HERPUD2: variants seen among roughly 807,000 people sequenced by gnomAD.
HERPUD2 encodes the protein homocysteine-responsive endoplasmic reticulum-resident ubiquitin-like domain member 2 protein.
In HERPUD2, 13 loss-of-function variants were observed where a neutral mutation model predicts 49.9. That is an observed-to-expected ratio of 0.26 (90% CI 0.17 to 0.41). The LOEUF is 0.41. Among genes scored for constraint, HERPUD2 ranks in the 10% least tolerant of loss-of-function variants. The pLI, the probability that HERPUD2 is intolerant of heterozygous loss-of-function variation, is 1.00. For missense variants in HERPUD2, 449 were observed against 492.2 expected (o/e 0.91, Z 0.83); for synonymous variants, 172 against 171.4 (o/e 1.00, Z -0.03).
At chr7:35,685,990 A>T (rs1258989553) in intron 2 of HERPUD2, among the ~76,000 whole-genome samples, 1 of 150,690 alleles carries the variant, frequency 6.6e-6, no homozygotes, top group African/African-American at 2.5e-5. Flanking sequence ...ATAAATAAAT[A>T]ACTTAAATAT....
At chr7:35,650,783 C>G (rs1205875413) in intron 5 of HERPUD2, among the ~76,000 whole-genome samples, 2 of 152,166 alleles carry the variant, frequency 1.3e-5, no homozygotes, top group African/African-American at 2.4e-5. Context: ...TGAAAGCAAC[C>G]CAGCCCTCCC....
intron 2 of HERPUD2, among the ~76,000 whole-genome samples, chr7:35,680,593 C>T (rs571424217): frequency 2.0e-5 from 3 of 152,274 alleles, no homozygotes; most frequent in Admixed American, 6.5e-5. Context: ...GCCAAACTGA[C>T]ATTCACTTAG....
chr7:35,657,876 C>A (rs1231320887), intron 5 of HERPUD2, among the ~76,000 whole-genome samples: 1 of 150,710 alleles, frequency 6.6e-6, no homozygotes, highest in South Asian at 2.1e-4. Flanking sequence ...GAGCCGAGAT[C>A]GCGCCACTGC....
intron 5 of HERPUD2, among the ~76,000 whole-genome samples, chr7:35,661,728 T>A (rs1463750755): frequency 6.6e-6 from 1 of 152,228 alleles, no homozygotes; most frequent in Non-Finnish European, 1.5e-5. Flanking sequence ...TGATTTTGTA[T>A]CCTGAGACTT....
chr7:35,683,625 T>C (rs1318727286), intron 2 of HERPUD2, among the ~76,000 whole-genome samples: 3 of 151,672 alleles, frequency 2.0e-5, no homozygotes, highest in African/African-American at 7.3e-5. Context: ...GTCAGCAGAG[T>C]AGACAACCCA....
intron 5 of HERPUD2, among the ~76,000 whole-genome samples, chr7:35,639,175 C>T (rs1459602597): frequency 6.6e-6 from 1 of 151,860 alleles, no homozygotes; most frequent in Non-Finnish European, 1.5e-5. Flanking sequence ...ACTACAGGCA[C>T]GCGCCACCAC....
chr7:35,688,107 A>G (rs1296332239), intron 2 of HERPUD2, among the ~76,000 whole-genome samples: 1 of 152,338 alleles, frequency 6.6e-6, no homozygotes, highest in East Asian at 1.9e-4. Context: ...GTACTTACAT[A>G]TAGTTCAGTC....
chr7:35,689,209 C>T (rs1464532146), intron 2 of HERPUD2, among the ~76,000 whole-genome samples: 2 of 152,120 alleles, frequency 1.3e-5, no homozygotes, highest in East Asian at 3.8e-4. Context: ...GCTACAAATA[C>T]ATTAAGCAAT....
At chr7:35,645,659 T>TG (rs1006837515) in intron 5 of HERPUD2, among the ~76,000 whole-genome samples, 2 of 152,176 alleles carry the variant, frequency 1.3e-5, no homozygotes, top group African/African-American at 4.8e-5. Context: ...AAAAAAAAGT[T>TG]GGTTTTGTTA....
In HERPUD2 at chr7:35,647,280, T is replaced by C. The variant is rs113515161; in HGVS notation, c.495-8808A>G. Among the ~76,000 whole-genome samples the C allele has an allele frequency of 2.0e-3, 297 of 152,214 alleles. 2 individuals carry two copies. Among genetic ancestry groups the C allele is most frequent in the African/African-American group, 6.9e-3 (288 of 41,524 alleles). ...TTAACCCCCTTCAAGGCAGCTCAAA[T>C]GTTATCACCTCTGAAGCCCTTCCCA... On this transcript the variant is annotated intron_variant, in intron 5 of 8. Transcript: ENST00000311350.
chr7:35,646,446 C>T (rs561154828), intron 5 of HERPUD2, among the ~76,000 whole-genome samples: 1 of 152,028 alleles, frequency 6.6e-6, no homozygotes, highest in South Asian at 2.1e-4. Flanking sequence ...TCTGAAGTCC[C>T]AGCTACTCAG....
intron 2 of HERPUD2, among the ~76,000 whole-genome samples, chr7:35,677,010 CT>C (rs1785776966): frequency 6.6e-6 from 1 of 152,066 alleles, no homozygotes; most frequent in Admixed American, 6.5e-5. Flanking sequence ...TTTTTAAATT[CT>C]TGTTTTCATT....
chr7:35,694,124 G>A (rs561449164), intron 2 of HERPUD2, 60 bp downstream of exon 2: 11 of 1,577,676 alleles, frequency 7.0e-6, no homozygotes, highest in Admixed American at 1.7e-5. Context: ...GGAAAAAGGA[G>A]GGTACACGGC....
intron 2 of HERPUD2, among the ~76,000 whole-genome samples, chr7:35,678,814 G>T (rs1785820259): frequency 6.6e-6 from 1 of 151,874 alleles, no homozygotes; most frequent in African/African-American, 2.4e-5. Context: ...TTTCTACATG[G>T]GTAATCTCCA....
intron 5 of HERPUD2, among the ~76,000 whole-genome samples, chr7:35,651,215 A>G (rs1279032021): frequency 6.6e-6 from 1 of 152,140 alleles, no homozygotes; most frequent in African/African-American, 2.4e-5. Context: ...TGACATGCCA[A>G]ACTGCCCAGC....
intron 5 of HERPUD2, among the ~76,000 whole-genome samples, chr7:35,649,562 T>G (rs1785121695): frequency 6.6e-6 from 1 of 152,128 alleles, no homozygotes; most frequent in Non-Finnish European, 1.5e-5. Flanking sequence ...GTTTTATACA[T>G]TTTAGGGAGA....
In HERPUD2 at chr7:35,674,402, TATAGAGAGAGAGAGAGAGAGAG is replaced by T. The variant is rs1488487016; in HGVS notation, c.148-1146_148-1125del. Among the ~76,000 whole-genome samples, 136 of 54,452 alleles carry T rather than the reference TATAGAGAGAGAGAGAGAGAGAG, an allele frequency of 2.5e-3. 1 individual carries two copies. The highest frequency in any genetic ancestry group is 0.017 in the South Asian group (22 of 1,320). The allele number at this position is 54,452 out of a possible 152,430, so 35.7% of individuals were successfully genotyped here. On this transcript the variant is annotated intron_variant, in intron 2 of 8. Transcript: ENST00000311350. ...ACCTATATATATATATATATATATA[TATAGAGAGAGAGAGAGAGAGAG>T]AGAGAGAGAGAGAGAGAGAGAGAGA... is the stretch of plus-strand genomic sequence containing the variant.
intron 4 of HERPUD2, among the ~76,000 whole-genome samples, chr7:35,668,787 C>T (rs1396513526): frequency 6.6e-6 from 1 of 152,044 alleles, no homozygotes; most frequent in East Asian, 1.9e-4. Flanking sequence ...ATTAAATGGG[C>T]CATCATAATA....
At chr7:35,680,684 T>C (rs539411150) in intron 2 of HERPUD2, among the ~76,000 whole-genome samples, 3 of 152,252 alleles carry the variant, frequency 2.0e-5, no homozygotes, top group Admixed American at 6.5e-5. Context: ...AATCACCTTT[T>C]AGATTTCAGT....
Sources: gnomAD v4.1 joint callset for allele counts (sites outside exome capture counted in the v4.1 genomes callset) on GRCh38, gnomAD v4.1.1 for gene constraint, MANE v1.5 for transcripts, NCBI Gene and HGNC (gene_info 2026-07-23, HGNC 2026-07-21) for gene names.